TTC6: variants seen among roughly 807,000 people sequenced by gnomAD.
TTC6 encodes the protein tetratricopeptide repeat protein 6.
Under a neutral mutation model 210.4 loss-of-function variants are expected in TTC6, and 172 were observed. The observed-to-expected ratio is 0.82, with a 90% CI of 0.72 to 0.93. The LOEUF is 0.93. Among genes scored for constraint, TTC6 ranks in the 40% least tolerant of loss-of-function variants. The pLI is 0.00. For missense variants in TTC6, 2,414 were observed against 2,318.1 expected (o/e 1.04, Z -0.85); for synonymous variants, 804 against 819.6 (o/e 0.98, Z 0.32).
intron 10 of TTC6, among the ~76,000 whole-genome samples, chr14:37,742,547 CT>C (rs1440100818): frequency 2.6e-5 from 4 of 151,626 alleles, no homozygotes; most frequent in African/African-American, 7.3e-5. Flanking sequence ...GTAGCTGGGC[CT>C]ACAGGTGGGT....
In TTC6 at chr14:37,758,147, G is replaced by A. The variant is rs151117111; in HGVS notation, c.3266+4912G>A. Among the ~76,000 whole-genome samples, 3 of 152,294 alleles carry A rather than the reference G, an allele frequency of 2.0e-5. No individual in the cohort carries two copies. The East Asian group carries it at 5.8e-4, about 29-fold the overall frequency. Reference sequence around the variant, plus strand: ...AGTGTGATGTGGTGCTGAGAAGAATGTATATTCTGTTGATTTGGTGTGGAG... The same window carrying A: ...AGTGTGATGTGGTGCTGAGAAGAATATATATTCTGTTGATTTGGTGTGGAG... On this transcript the variant is annotated intron_variant, in intron 14 of 30. Transcript: ENST00000553443.
At chr14:37,722,251 A>C (rs888399350) in intron 6 of TTC6, among the ~76,000 whole-genome samples, 2 of 152,146 alleles carry the variant, frequency 1.3e-5, no homozygotes, top group African/African-American at 4.8e-5. Flanking sequence ...GCTATGCAAC[A>C]GCCATTGTCC....
intron 5 of TTC6, among the ~76,000 whole-genome samples, chr14:37,710,379 A>G (rs1193043972): frequency 6.6e-6 from 1 of 152,154 alleles, no homozygotes; most frequent in Non-Finnish European, 1.5e-5. Flanking sequence ...CTCACAGCTT[A>G]GAACAAATGT....
intron 14 of TTC6, among the ~76,000 whole-genome samples, chr14:37,775,380 C>A (rs551414965): frequency 6.6e-6 from 1 of 152,228 alleles, no homozygotes; most frequent in African/African-American, 2.4e-5. Flanking sequence ...ATAAACTTTC[C>A]TCTTAACACT....
chr14:37,822,476 A>G (rs1400045047), intron 26 of TTC6, among the ~76,000 whole-genome samples: 1 of 152,196 alleles, frequency 6.6e-6, no homozygotes, highest in Non-Finnish European at 1.5e-5. Flanking sequence ...ACATCTTACT[A>G]AAATTTGAAA....
intron 14 of TTC6, among the ~76,000 whole-genome samples, chr14:37,760,009 G>A (rs772945412): frequency 4.6e-5 from 7 of 152,248 alleles, no homozygotes; most frequent in Non-Finnish European, 8.8e-5. Flanking sequence ...CTGTCAATTC[G>A]TCAATCTCAT....
intron 20 of TTC6, among the ~76,000 whole-genome samples, chr14:37,801,669 G>A (rs1191170309): frequency 6.6e-6 from 1 of 152,160 alleles, no homozygotes; most frequent in South Asian, 2.1e-4. Flanking sequence ...GCTGGGACCT[G>A]AGTGCAGCCA....
chr14:37,754,425 TTTTC>T (rs2095961532), intron 14 of TTC6, among the ~76,000 whole-genome samples: 2 of 151,950 alleles, frequency 1.3e-5, no homozygotes, highest in South Asian at 2.1e-4. Context: ...ATTCTTATCT[TTTTC>T]TTTCTTTCTT....
exon 20 of TTC6, chr14:37,796,809 G>T: frequency 1.2e-6 from 2 of 1,606,336 alleles, no homozygotes; most frequent in Admixed American, 3.4e-5. Flanking sequence ...TGAGTCCTAT[G>T]CAGCAAGCCC....
chr14:37,611,658 AAG>A (rs1257585206), intron 2 of TTC6, among the ~76,000 whole-genome samples: 1 of 152,044 alleles, frequency 6.6e-6, no homozygotes, highest in African/African-American at 2.4e-5. Flanking sequence ...ACAAGAGAAA[AAG>A]AGGCTAGGAA....
At chr14:37,649,159 C>T (rs548023816) in intron 1 of TTC6, among the ~76,000 whole-genome samples, 46 of 152,250 alleles carry the variant, frequency 3.0e-4, no homozygotes, top group African/African-American at 8.7e-4. Context: ...CAATCTCCCC[C>T]TACTCTTGGG....
intron 6 of TTC6, among the ~76,000 whole-genome samples, chr14:37,721,029 T>C (rs1453365346): frequency 6.6e-6 from 1 of 150,470 alleles, no homozygotes; most frequent in African/African-American, 2.4e-5. Flanking sequence ...TGCCTGTGAA[T>C]CTACAATTAT....
chr14:37,808,338 G>C (rs531433848), intron 23 of TTC6, among the ~76,000 whole-genome samples: 62 of 152,134 alleles, frequency 4.1e-4, no homozygotes, highest in African/African-American at 1.5e-3. Flanking sequence ...AAAACATGAC[G>C]ATTATGTGAT....
At chr14:37,620,178 C>A (rs2095649023), upstream of TTC6, among the ~76,000 whole-genome samples, 1 of 151,906 alleles carries the variant, frequency 6.6e-6, no homozygotes, top group South Asian at 2.1e-4. Context: ...TTTGATAGGA[C>A]CATTTTGGTA....
At chr14:37,752,354 T>A (rs976726022) in intron 13 of TTC6, among the ~76,000 whole-genome samples, 1 of 152,004 alleles carries the variant, frequency 6.6e-6, no homozygotes, top group African/African-American at 2.4e-5. Context: ...TTGAGGAGAA[T>A]ATTATATATT....
At chr14:37,655,821 A>T (rs2095721471) in intron 1 of TTC6, among the ~76,000 whole-genome samples, 1 of 151,864 alleles carries the variant, frequency 6.6e-6, no homozygotes, top group African/African-American at 2.4e-5. Context: ...TTTGTAGTCC[A>T]CAATTGAAGG....
chr14:37,735,444 T>C (rs1221984779), intron 7 of TTC6, among the ~76,000 whole-genome samples: 1 of 152,150 alleles, frequency 6.6e-6, no homozygotes, highest in African/African-American at 2.4e-5. Flanking sequence ...CAACAATAAA[T>C]ATATCTACAT....
At chr14:37,784,856 G>A (rs959303900) in intron 14 of TTC6, among the ~76,000 whole-genome samples, 12 of 152,232 alleles carry the variant, frequency 7.9e-5, no homozygotes, top group African/African-American at 2.6e-4. Flanking sequence ...GTCTGTAAAG[G>A]ATTTTATTTC....
chr14:37,774,021 A>C (rs2096029249), intron 14 of TTC6, among the ~76,000 whole-genome samples: 4 of 152,032 alleles, frequency 2.6e-5, no homozygotes, highest in Admixed American at 2.6e-4. Flanking sequence ...TACTGTGGCT[A>C]TTGTGAATGG....
Sources: gnomAD v4.1 joint callset for allele counts (sites outside exome capture counted in the v4.1 genomes callset) on GRCh38, gnomAD v4.1.1 for gene constraint, MANE v1.5 for transcripts, NCBI Gene and HGNC (gene_info 2026-07-23, HGNC 2026-07-21) for gene names.